Variants in BTG2 observed in about 807,000 individuals in gnomAD.
BTG2 encodes the protein protein BTG2.
In BTG2, 9 loss-of-function variants were observed where a neutral mutation model predicts 13.1. The ratio of observed to expected loss-of-function variants is 0.69; its 90% CI spans 0.41 to 1.20. BTG2 has a LOEUF of 1.20. BTG2 is among the 50% of genes most tolerant of loss of function. The pLI is 0.00. For synonymous variants in BTG2, 92 were observed against 88.6 expected (o/e 1.04, Z -0.21); for missense variants, 200 against 209.5 (o/e 0.95, Z 0.28).
In BTG2 at chr1:203,305,654, C is replaced by A; in HGVS notation, c.48C>A (p.Ala16=). 6.3e-7 allele frequency: 1 copy of A among 1,582,344 alleles called. No homozygotes were observed. The highest frequency in any genetic ancestry group is 8.6e-7 in the Non-Finnish European group (1 of 1,164,718). ...GTDMLPEIAA[A]VGFLSSLLRT... is the part of the protein sequence containing the mutation. The stretch of plus-strand genomic sequence containing the variant: ...ACATGCTCCCGGAGATCGCCGCCGC[C>A]GTGGGCTTCCTCTCCAGCCTCCTGA... The change falls in exon 1 of 2, where the codon GCC becomes GCA. Residue 16 remains alanine (A), a synonymous_variant. Coordinates refer to ENST00000290551, the MANE Select transcript of BTG2 (RefSeq NM_006763.3).
At position 203,305,723 on chromosome 1, in the gene BTG2, C is replaced by A; in HGVS notation, c.117C>A (p.Ser39Arg). The A allele has an allele frequency of 6.4e-7, 1 of 1,550,540 alleles. No individual in the cohort carries two copies. Among genetic ancestry groups the A allele is most frequent in the African/African-American group, 1.4e-5 (1 of 73,068 alleles). The change falls in exon 1 of 2, where the codon AGC becomes AGA. Residue 39 changes from serine (S) to arginine (R), a missense_variant. Transcript: ENST00000290551. ...GCGAGCAGAGGCTTAAGGTCTTCAG[C>A]GGGGCGCTCCAGGAGGCACTCACAG... Reference protein sequence around the residue: ...CVSEQRLKVFSGALQEALTEH... With the variant: ...CVSEQRLKVFRGALQEALTEH...
chr1:203,306,237 C>A (rs765910927), intron 1 of BTG2, among the ~76,000 whole-genome samples: 2 of 152,206 alleles, frequency 1.3e-5, no homozygotes, highest in East Asian at 3.9e-4. Flanking sequence ...CCACTGGTTG[C>A]TGACTGGCTT....
chr1:203,306,500 G>C (rs545681615), intron 1 of BTG2, among the ~76,000 whole-genome samples: 1 of 152,106 alleles, frequency 6.6e-6, no homozygotes, highest in East Asian at 1.9e-4. Context: ...TGCCTTCTGA[G>C]GAAAACAGAT....
rs1658323412 is a variant in BTG2, at chr1:203,308,481, A to G, written c.*1043A>G. 6.6e-6 allele frequency: 1 copy of G among 152,606 alleles called. No homozygotes were observed. Among genetic ancestry groups the G allele is most frequent in the Non-Finnish European group, 1.5e-5 (1 of 68,032 alleles). The allele number at this position is 152,606 out of a possible 1,614,324, so 9.5% of individuals were successfully genotyped here. On this transcript the variant is annotated 3_prime_UTR_variant, in exon 2 of 2. Coordinates refer to ENST00000290551, the MANE Select transcript of BTG2 (RefSeq NM_006763.3). ...TAGAGCTACCGTATTTTCTAGGACAAGAGTTCTCAGTCACTGTGCAATATG... is the reference window on the plus strand; with the variant it reads ...TAGAGCTACCGTATTTTCTAGGACAGGAGTTCTCAGTCACTGTGCAATATG...
chr1:203,307,366 C>T lies in BTG2; in HGVS notation c.405C>T (p.Leu135=), dbSNP rs1004409872. 9.9e-6 allele frequency: 16 copies of T among 1,613,046 alleles called. No homozygotes were observed. The highest frequency in any genetic ancestry group is 3.3e-5 in the Admixed American group (2 of 60,010). ...EAPLAASCGL[L]TCKNQVLLGR... ...CACTGGCCGCCTCCTGTGGGCTCCT[C>T]ACCTGCAAGAACCAAGTGCTGCTGG... Residue 135 remains leucine, a synonymous_variant, in exon 2 of 2, where the codon CTC becomes CTT. Coordinates refer to ENST00000290551, the MANE Select transcript of BTG2 (RefSeq NM_006763.3).
At position 203,309,410 on chromosome 1, in the gene BTG2, C is replaced by G. The variant is rs1484693145; in HGVS notation, c.*1972C>G. ...GTTCACTTTAAAAACAACAAAACCC[C>G]TGAGCTGGACTGTTGAGCAGGCCTG... is the stretch of plus-strand genomic sequence containing the variant. On this transcript the variant is annotated 3_prime_UTR_variant, in exon 2 of 2. Transcript: ENST00000290551. 2 of 152,638 alleles carry G rather than the reference C, an allele frequency of 1.3e-5. No individual in the cohort carries two copies. Among genetic ancestry groups the G allele is most frequent in the Middle Eastern group, 3.2e-3 (1 of 316 alleles). The allele number at this position is 152,638 out of a possible 1,614,324, so 9.5% of individuals were successfully genotyped here.
intron 1 of BTG2, 45 bp from the exon 2 acceptor site, chr1:203,307,059 T>C (rs1017298191): frequency 1.9e-6 from 3 of 1,555,106 alleles, no homozygotes; most frequent in Non-Finnish European, 2.6e-6. Flanking sequence ...ATCCATGGCC[T>C]AGCTGCTCTA....
At chr1:203,306,621 T>C (rs959258026) in intron 1 of BTG2, among the ~76,000 whole-genome samples, 3 of 152,152 alleles carry the variant, frequency 2.0e-5, no homozygotes, top group African/African-American at 7.2e-5. Flanking sequence ...AGTGACTTGC[T>C]GTGGACCCAA....
rs978272725 is a variant in BTG2 at position 203,307,599 on chromosome 1, GA to G, written c.*169del. 2.1e-5 allele frequency: 12 copies of G among 576,858 alleles called. No individual in the cohort carries two copies. The highest frequency in any genetic ancestry group is 1.1e-4 in the South Asian group (2 of 17,860). 35.7% of individuals were successfully genotyped at this position (576,858 alleles called of 1,614,324 possible). On this transcript the variant is annotated 3_prime_UTR_variant, in exon 2 of 2. Transcript: ENST00000290551. ...AAAAGAAACCAAAAGTTTTTTTTAAGAAAAAAAATCCTTCAAGGGAGCTGCT... is the reference window on the plus strand; with the variant it reads ...AAAAGAAACCAAAAGTTTTTTTTAAGAAAAAAATCCTTCAAGGGAGCTGCT...
intron 1 of BTG2, among the ~76,000 whole-genome samples, 180 bp downstream of exon 1, chr1:203,305,928 T>C (rs1658250701): frequency 6.6e-6 from 1 of 152,098 alleles, no homozygotes; most frequent in African/African-American, 2.4e-5. Context: ...TCCCCAGCCC[T>C]GTGCTCGGGT....
chr1:203,305,829 C>A (rs1658246048), intron 1 of BTG2, 81 bp downstream of exon 1: 2 of 1,486,842 alleles, frequency 1.3e-6, no homozygotes, highest in East Asian at 5.1e-5. Context: ...ACTCCTGCGG[C>A]AGGGTGACCC....
intron 1 of BTG2, among the ~76,000 whole-genome samples, chr1:203,306,417 C>T (rs1658274933): frequency 6.6e-6 from 1 of 152,096 alleles, no homozygotes; most frequent in African/African-American, 2.4e-5. Flanking sequence ...AGACCTCTCT[C>T]CCAGCTGTTT....
In BTG2 at chr1:203,305,685, C is replaced by T. The variant is rs1484124420; in HGVS notation, c.79C>T (p.Arg27Trp). 7.0e-6 allele frequency: 11 copies of T among 1,563,150 alleles called. No homozygotes were observed. The highest frequency in any genetic ancestry group is 1.9e-5 in the Admixed American group (1 of 52,668). The change falls in exon 1 of 2, where the codon CGG (arginine) becomes TGG (tryptophan). Residue 27 changes from arginine to tryptophan, a missense_variant. Transcript: ENST00000290551. ...CTTCCTCTCCAGCCTCCTGAGGACCCGGGGCTGCGTGAGCGAGCAGAGGCT... is the reference window on the plus strand; with the variant it reads ...CTTCCTCTCCAGCCTCCTGAGGACCTGGGGCTGCGTGAGCGAGCAGAGGCT... Reference protein sequence around the residue: ...VGFLSSLLRTRGCVSEQRLKV... With the variant: ...VGFLSSLLRTWGCVSEQRLKV...
At position 203,305,586 on chromosome 1, in the gene BTG2, T is replaced by C; in HGVS notation, c.-21T>C. 6.3e-7 allele frequency: 1 copy of C among 1,598,028 alleles called. No individual in the cohort carries two copies. The highest frequency in any genetic ancestry group is 8.5e-7 in the Non-Finnish European group (1 of 1,172,190). The stretch of plus-strand genomic sequence containing the variant: ...GCACTTCCCACCCGAGACCTCTCAC[T>C]GAGCCCGAGCCGCGCGCGACATGAG... On this transcript the variant is annotated 5_prime_UTR_variant, in exon 1 of 2. Transcript: ENST00000290551.
chr1:203,306,561 G>A (rs530114731), intron 1 of BTG2, among the ~76,000 whole-genome samples: 2 of 152,186 alleles, frequency 1.3e-5, no homozygotes, highest in East Asian at 1.9e-4. Flanking sequence ...GCTAAGGAAG[G>A]TTCTCTGACT....
At chr1:203,305,862 G>A in intron 1 of BTG2, 114 bp downstream of exon 1, 1 of 1,408,678 alleles carries the variant, frequency 7.1e-7, no homozygotes. Context: ...TTGGGACTCG[G>A]TGGCCCTCCT....
intron 1 of BTG2, 98 bp downstream of exon 1, chr1:203,305,846 GCA>G: frequency 6.8e-7 from 1 of 1,466,490 alleles, no homozygotes. Context: ...ACCCACGGGA[GCA>G]GCTTTGGGAC....
intron 1 of BTG2, among the ~76,000 whole-genome samples, chr1:203,306,297 A>G (rs1658270738): frequency 6.6e-6 from 1 of 152,198 alleles, no homozygotes; most frequent in South Asian, 2.1e-4. Flanking sequence ...CCCCTTAGCC[A>G]TCTGCCACCT....
chr1:203,307,483 T>C lies in BTG2; in HGVS notation c.*45T>C, dbSNP rs755110487. On this transcript the variant is annotated 3_prime_UTR_variant, in exon 2 of 2. Transcript: ENST00000290551. ...GGGCGCCGCCGTGCTCATGCTGCCG[T>C]GACAACAGGCCACCACATACCTCAA... is the stretch of plus-strand genomic sequence containing the variant. 8 of 1,490,314 alleles carry C rather than the reference T, an allele frequency of 5.4e-6. No individual in the cohort carries two copies. The highest frequency in any genetic ancestry group is 7.3e-6 in the Non-Finnish European group (8 of 1,102,710). The allele number at this position is 1,490,314 out of a possible 1,614,324, so 92.3% of individuals were successfully genotyped here.
Sources: allele counts gnomAD v4.1 joint callset (sites outside exome capture counted in the v4.1 genomes callset), GRCh38; gene constraint gnomAD v4.1.1; transcripts MANE v1.5; gene names NCBI Gene and HGNC (gene_info 2026-07-23, HGNC 2026-07-21).